Variants in CELF2 observed in about 807,000 individuals in gnomAD.
CELF2 encodes CUGBP Elav-like family member 2.
CELF2 carries 8 observed loss-of-function variants against 62.6 expected under a neutral mutation model. That is an observed-to-expected ratio of 0.13 (90% CI 0.07 to 0.23). The LOEUF (loss-of-function observed/expected upper bound fraction) is 0.23. CELF2 is among the 10% of genes least tolerant of loss of function. The probability of loss-of-function intolerance (pLI) is 1.00; values close to 1 mark genes in which losing one functional copy is unlikely to be tolerated. For synonymous variants in CELF2, 258 were observed against 250.0 expected, an observed-to-expected ratio of 1.03 and a Z score of -0.30; for missense variants, 333 against 671.0, an observed-to-expected ratio of 0.50 and a Z score of 5.56.
chr10:10,756,145 A>G, the CELF2 span, among the ~76,000 whole-genome samples: 1 of 152,244 alleles, frequency 6.6e-6, no homozygotes, highest in African/African-American at 2.4e-5. Context: ...CTGAAATAGT[A>G]CAGGAAACAT....
upstream of CELF2, among the ~76,000 whole-genome samples, chr10:10,797,301 A>C (rs187140684): frequency 2.0e-4 from 30 of 152,112 alleles, no homozygotes; most frequent in African/African-American, 6.3e-4. Flanking sequence ...GTTTTCTTTC[A>C]GTCTTCCCTC....
the CELF2 span, among the ~76,000 whole-genome samples, chr10:10,762,188 C>A: frequency 6.6e-6 from 1 of 151,958 alleles, no homozygotes; most frequent in African/African-American, 2.4e-5. Flanking sequence ...GATGACCCAA[C>A]AAACAAGGCA....
In CELF2 at chr10:11,321,486, A is replaced by G. The variant is rs1430692705; in HGVS notation, c.1294+100A>G. ...TATCAAATTGAACTGAACCCATGTCATAACAGAAAGCAGTTGTTTTGTTAT... is the reference window on the plus strand; with the variant it reads ...TATCAAATTGAACTGAACCCATGTCGTAACAGAAAGCAGTTGTTTTGTTAT... On this transcript the variant is annotated intron_variant, in intron 11 of 12. Transcript: ENST00000633077. The surrounding 1 kb of genome is among the most constrained non-coding windows in gnomAD (Gnocchi z 6.2). 4 of 919,290 alleles carry G rather than the reference A, an allele frequency of 4.4e-6. No individual in the cohort carries two copies. The highest frequency in any genetic ancestry group is 1.7e-5 in the African/African-American group (1 of 59,276). 56.9% of individuals were successfully genotyped at this position (919,290 alleles called of 1,614,324 possible). A position where few individuals can be genotyped will look rare whatever the true frequency, so the allele number is the denominator to read the frequency against.
Position 11,300,547 on chromosome 10 carries a change from C to T in CELF2, c.976+11995C>T, listed in dbSNP as rs1208373513. 1.3e-5 allele frequency among the ~76,000 whole-genome samples: 2 copies of T among 152,282 alleles called. No individual in the cohort carries two copies. The highest frequency in any genetic ancestry group is 1.9e-4 in the East Asian group (1 of 5,176). ...CCTACCTCCTCTTCCTCAGTCACCC[C>T]GCCCCTCCCTGCCCAAACTATCTTC... On this transcript the variant is annotated intron_variant, in intron 9 of 12. Transcript: ENST00000633077. This position sits in a 1 kb window ranked among gnomAD's most constrained non-coding sequence, Gnocchi z 5.5.
At chr10:10,749,352 G>A in the CELF2 span, among the ~76,000 whole-genome samples, 1 of 152,134 alleles carries the variant, frequency 6.6e-6, no homozygotes, top group Non-Finnish European at 1.5e-5. Flanking sequence ...ACAGCATGGG[G>A]AACAAGCTGA....
chr10:10,618,113 G>A, the CELF2 span, among the ~76,000 whole-genome samples: 10 of 151,950 alleles, frequency 6.6e-5, no homozygotes, highest in Admixed American at 1.3e-4. Context: ...CTGGATTGCC[G>A]ACACAGACAG....
the CELF2 span, among the ~76,000 whole-genome samples, chr10:10,616,653 G>A: frequency 4.0e-5 from 6 of 149,596 alleles, no homozygotes; most frequent in Admixed American, 2.0e-4. Flanking sequence ...GGGCAAAACA[G>A]TGCTTCCTCC....
At chr10:11,149,783 A>AGT (rs915520889) in intron 1 of CELF2, among the ~76,000 whole-genome samples, 2 of 152,298 alleles carry the variant, frequency 1.3e-5, no homozygotes, top group African/African-American at 4.8e-5. Flanking sequence ...CTGATCGCTA[A>AGT]GTGTGTGTGT....
intron 1 of CELF2, among the ~76,000 whole-genome samples, chr10:11,097,718 A>G (rs1480321645): frequency 6.6e-6 from 1 of 152,108 alleles, no homozygotes; most frequent in Admixed American, 6.5e-5. Flanking sequence ...TGGTTTTAGG[A>G]TCCTCCTGGG....
At chr10:11,197,017 A>AAGGAAGGAAGGAAGG in intron 2 of CELF2, among the ~76,000 whole-genome samples, 1 of 7,942 alleles carries the variant, frequency 1.3e-4, no homozygotes, top group African/African-American at 6.4e-4. Flanking sequence ...AGAAAGAAAG[A>AAGGAAGGAAGGAAGG]AAGAAAGAAA....
At position 11,114,853 on chromosome 10, in the gene CELF2, A is replaced by G. The variant is rs148069292; in HGVS notation, c.75-50633A>G. The stretch of plus-strand genomic sequence containing the variant: ...ATTTTGAGTTCTGATCAACCAAAAC[A>G]TACAACTAAAACATCACAATTGTGT... On this transcript the variant is annotated intron_variant, in intron 1 of 12. Transcript: ENST00000633077. Among the ~76,000 whole-genome samples, 374 of 152,346 alleles carry G rather than the reference A, an allele frequency of 2.5e-3. 1 individual carries two copies. Among genetic ancestry groups the G allele is most frequent in the African/African-American group, 8.5e-3 (353 of 41,582 alleles).
Position 11,284,701 on chromosome 10 carries a change from GATGGATGGATGGGTGAGAGGATA to G in CELF2, c.842-3701_842-3679del, listed in dbSNP as rs1490644458. Among the ~76,000 whole-genome samples the G allele has an allele frequency of 2.1e-3, 322 of 151,406 alleles. 3 individuals are homozygous for G. Among genetic ancestry groups the G allele is most frequent in the African/African-American group, 7.3e-3 (301 of 41,108 alleles). On this transcript the variant is annotated intron_variant, in intron 8 of 12. Transcript: ENST00000633077. Reference sequence around the variant, plus strand: ...GTGTGTGGATGATGGATGAGTGGATGATGGATGGATGGGTGAGAGGATAATGGATGGATGGGTGGGTGGATGGA... The same window carrying G: ...GTGTGTGGATGATGGATGAGTGGATGATGGATGGATGGGTGGGTGGATGGA...
At chr10:11,053,566 TA>T (rs113523435) in intron 1 of CELF2, among the ~76,000 whole-genome samples, 4 of 149,792 alleles carry the variant, frequency 2.7e-5, no homozygotes, top group African/African-American at 2.5e-5. Context: ...ACACATTTTT[TA>T]AAAAAAAAGA....
At chr10:11,187,268 T>C (rs1244385984) in intron 2 of CELF2, among the ~76,000 whole-genome samples, 1 of 152,218 alleles carries the variant, frequency 6.6e-6, no homozygotes, top group Non-Finnish European at 1.5e-5. Context: ...AATTGACTCC[T>C]TGGTGGTTTT....
chr10:11,093,963 T>C (rs974658289), intron 1 of CELF2, among the ~76,000 whole-genome samples: 1 of 152,204 alleles, frequency 6.6e-6, no homozygotes, highest in Non-Finnish European at 1.5e-5. Flanking sequence ...CACTTAACAA[T>C]TGGTTACAGT....
the CELF2 span, among the ~76,000 whole-genome samples, chr10:10,751,454 C>T: frequency 2.6e-5 from 4 of 152,296 alleles, no homozygotes; most frequent in South Asian, 6.2e-4. Context: ...ATGATAACTC[C>T]TTAAGGGGCA....
At chr10:10,790,150 A>G in the CELF2 span, among the ~76,000 whole-genome samples, 1 of 152,152 alleles carries the variant, frequency 6.6e-6, no homozygotes, top group Non-Finnish European at 1.5e-5. Flanking sequence ...GTAATATTTC[A>G]TATGACATTA....
chr10:10,685,960 G>C, the CELF2 span, among the ~76,000 whole-genome samples: 1 of 151,992 alleles, frequency 6.6e-6, no homozygotes, highest in African/African-American at 2.4e-5. Context: ...GTTCAGAATG[G>C]TCATGGTGGC....
the CELF2 span, among the ~76,000 whole-genome samples, chr10:10,748,555 T>C: frequency 0.13 from 19,750 of 151,758 alleles, 1,587 homozygotes; most frequent in East Asian, 0.29. Context: ...GAGACCATCC[T>C]GGCTAGCACA....
Sources: gnomAD v4.1 joint callset for allele counts (sites outside exome capture counted in the v4.1 genomes callset) on GRCh38, gnomAD v4.1.1 for gene constraint, Gnocchi (gnomAD v3.1) non-coding constraint, MANE v1.5 for transcripts, NCBI Gene and HGNC (gene_info 2026-07-23, HGNC 2026-07-21) for gene names.